The following CXADR variants were observed in gnomAD, a reference collection of about 807,000 sequenced individuals.
The protein encoded by CXADR is coxsackievirus and adenovirus receptor.
CXADR carries 20 observed loss-of-function variants against 40.3 expected under a neutral mutation model. The observed-to-expected ratio is 0.50, with a 90% CI of 0.35 to 0.72. The LOEUF (loss-of-function observed/expected upper bound fraction) is 0.72, where lower values mean the gene tolerates loss of function less well. Among genes scored for constraint, CXADR ranks in the 30% least tolerant of loss-of-function variants. The probability of loss-of-function intolerance (pLI) is 0.01; values close to 1 mark genes in which losing one functional copy is unlikely to be tolerated. For synonymous variants in CXADR, 150 were observed against 161.3 expected (o/e 0.93, Z 0.53); for missense variants, 332 against 449.1 (o/e 0.74, Z 2.36).
chr21:17,531,855 C>T (rs1011278156), intron 1 of CXADR, among the ~76,000 whole-genome samples: 2 of 151,994 alleles, frequency 1.3e-5, no homozygotes, highest in African/African-American at 4.8e-5. Context: ...TCCTTGTCTC[C>T]CGAAGTGTTG....
rs921251638 is a variant in CXADR at position 17,567,026 on chromosome 21, A to T, written c.*1334A>T. On this transcript the variant is annotated 3_prime_UTR_variant, in exon 7 of 7. Coordinates refer to ENST00000284878, the MANE Select transcript of CXADR (RefSeq NM_001338.5). ...TACTCCTCCTTGCCAAATGTGCTAAATATCATTTTAGGAGAAGAAAGTGGG... is the reference window on the plus strand; with the variant it reads ...TACTCCTCCTTGCCAAATGTGCTAATTATCATTTTAGGAGAAGAAAGTGGG... The T allele has an allele frequency of 3.1e-6, 3 of 982,004 alleles. No individual in the cohort carries two copies. In the African/African-American group the frequency reaches 5.2e-5, roughly 17 times the overall value. The allele number at this position is 982,004 out of a possible 1,614,324, so 60.8% of individuals were successfully genotyped here. A position where few individuals can be genotyped will look rare whatever the true frequency, so the allele number is the denominator to read the frequency against.
At chr21:17,613,070 G>A in the CXADR span, 1 of 151,932 alleles carries the variant, frequency 6.6e-6, no homozygotes, top group Non-Finnish European at 1.5e-5. Context: ...CTAGCCGCAC[G>A]GGAGGCGACA....
chr21:17,597,839 T>C (rs1370358597), downstream of CXADR, among the ~76,000 whole-genome samples: 1 of 152,200 alleles, frequency 6.6e-6, no homozygotes, highest in Non-Finnish European at 1.5e-5. Context: ...AATATTCTGC[T>C]TCTTACTCAT....
chr21:17,554,576 T>C (rs566336383), intron 3 of CXADR, among the ~76,000 whole-genome samples: 2 of 152,302 alleles, frequency 1.3e-5, no homozygotes, highest in Non-Finnish European at 2.9e-5. Context: ...AACTCTGATC[T>C]GGACGAGGTT....
the CXADR span, among the ~76,000 whole-genome samples, chr21:17,623,975 G>A: frequency 6.6e-6 from 1 of 152,058 alleles, no homozygotes; most frequent in African/African-American, 2.4e-5. Flanking sequence ...CATGAATGAT[G>A]GCAACATTTG....
chr21:17,525,799 ACAT>A (rs912877281), intron 1 of CXADR, among the ~76,000 whole-genome samples: 5 of 152,220 alleles, frequency 3.3e-5, no homozygotes, highest in South Asian at 2.1e-4. Flanking sequence ...TAGAAAGGAC[ACAT>A]CATATTATTC....
chr21:17,526,642 G>C (rs935548842), intron 1 of CXADR, among the ~76,000 whole-genome samples: 1 of 152,260 alleles, frequency 6.6e-6, no homozygotes, highest in South Asian at 2.1e-4. Flanking sequence ...GGGGCAATCA[G>C]GTTAGACATG....
the CXADR span, among the ~76,000 whole-genome samples, chr21:17,599,709 A>G: frequency 6.6e-6 from 1 of 152,040 alleles, no homozygotes; most frequent in Non-Finnish European, 1.5e-5. Flanking sequence ...TGAACTCCTG[A>G]CCTCAGGTGA....
intron 7 of CXADR, among the ~76,000 whole-genome samples, chr21:17,583,249 G>C (rs1944592292): frequency 6.6e-6 from 1 of 152,190 alleles, no homozygotes; most frequent in South Asian, 2.1e-4. Context: ...TAGACCAGGA[G>C]AGCTTTATGA....
At chr21:17,563,257 A>AG (rs201316352) in intron 6 of CXADR, among the ~76,000 whole-genome samples, 2 of 152,152 alleles carry the variant, frequency 1.3e-5, no homozygotes, top group Admixed American at 1.3e-4. Context: ...ACTGCACCCT[A>AG]CCGTGGTTGA....
chr21:17,520,167 A>G (rs971323791), intron 1 of CXADR, among the ~76,000 whole-genome samples: 12 of 152,188 alleles, frequency 7.9e-5, no homozygotes, highest in African/African-American at 2.9e-4. Context: ...GTGATACTTA[A>G]TGTACTGATA....
intron 1 of CXADR, among the ~76,000 whole-genome samples, chr21:17,534,016 ATATATATATATAGC>A (rs2060712525): frequency 7.7e-6 from 1 of 129,754 alleles, no homozygotes; most frequent in African/African-American, 2.9e-5. Flanking sequence ...CAATATATAT[ATATATATATATAGC>A]TATATATATA....
Position 17,569,729 on chromosome 21 carries a change from A to C in CXADR, c.*4037A>C. 1.0e-6 allele frequency: 1 copy of C among 967,600 alleles called. No individual in the cohort carries two copies. The allele number at this position is 967,600 out of a possible 1,614,324, so 59.9% of individuals were successfully genotyped here. A position where few individuals can be genotyped will look rare whatever the true frequency, so the allele number is the denominator to read the frequency against. On this transcript the variant is annotated 3_prime_UTR_variant, in exon 7 of 7. Transcript: ENST00000284878. ...TTATTTTATAATTTAAGAATATAGT[A>C]CATATCAGTTGGGTTTGGTTTTGGT...
chr21:17,517,151 A>G (rs2060472121), intron 1 of CXADR, among the ~76,000 whole-genome samples: 1 of 152,224 alleles, frequency 6.6e-6, no homozygotes, highest in South Asian at 2.1e-4. Context: ...ATGATGGGCC[A>G]GGAAATGATA....
At chr21:17,583,706 T>C (rs2123387037) in intron 7 of CXADR, among the ~76,000 whole-genome samples, 1 of 152,322 alleles carries the variant, frequency 6.6e-6, no homozygotes, top group East Asian at 1.9e-4. Context: ...TAATCCTCTC[T>C]TTGAGTTTGC....
chr21:17,580,992 C>G (rs920619824), intron 7 of CXADR, among the ~76,000 whole-genome samples: 2 of 152,108 alleles, frequency 1.3e-5, no homozygotes, highest in Non-Finnish European at 2.9e-5. Flanking sequence ...CTCAAGTGAT[C>G]CTCCTGCCTT....
At chr21:17,519,046 G>A in intron 1 of CXADR, 1 of 1,270,660 alleles carries the variant, frequency 7.9e-7, no homozygotes. Flanking sequence ...CACGCGGCAA[G>A]AGCAAGATGG....
intron 2 of CXADR, 80 bp downstream of exon 2, chr21:17,547,273 G>A (rs2060910577): frequency 6.3e-7 from 1 of 1,581,234 alleles, no homozygotes; most frequent in Admixed American, 1.7e-5. Flanking sequence ...CAGTCACATG[G>A]ATGGGCTGCA....
the CXADR span, among the ~76,000 whole-genome samples, chr21:17,635,155 C>T: frequency 6.6e-6 from 1 of 152,196 alleles, no homozygotes; most frequent in Non-Finnish European, 1.5e-5. Context: ...TTAATAACCT[C>T]CTTTTGAAAA....
Sources: gnomAD v4.1 joint callset for allele counts (sites outside exome capture counted in the v4.1 genomes callset) on GRCh38, gnomAD v4.1.1 for gene constraint, MANE v1.5 for transcripts, NCBI Gene and HGNC (gene_info 2026-07-23, HGNC 2026-07-21) for gene names.